Variants in UFC1 observed in about 807,000 individuals in gnomAD.
UFC1 encodes the protein ubiquitin-fold modifier-conjugating enzyme 1.
A neutral mutation model predicts 28.0 loss-of-function variants in UFC1; 22 were observed. The observed-to-expected ratio is 0.78, with a 90% confidence interval of 0.56 to 1.12. The LOEUF (loss-of-function observed/expected upper bound fraction) is 1.12, where lower values mean the gene tolerates loss of function less well. Among genes scored for constraint, UFC1 ranks in the 50% most tolerant of loss-of-function variants. UFC1 has a pLI of 0.00. For missense variants in UFC1, 189 were observed against 207.8 expected, an observed-to-expected ratio of 0.91 and a Z score of 0.56; for synonymous variants, 61 against 74.5, an observed-to-expected ratio of 0.82 and a Z score of 0.93.
At chr1:161,155,020 A>G (rs1478171793) in intron 1 of UFC1, among the ~76,000 whole-genome samples, 4 of 152,164 alleles carry the variant, frequency 2.6e-5, no homozygotes, top group East Asian at 1.9e-4. Flanking sequence ...ATTACTGTGC[A>G]TATAGAACCT....
chr1:161,154,673 C>CG (rs34249372), intron 1 of UFC1, among the ~76,000 whole-genome samples: 1 of 152,088 alleles, frequency 6.6e-6, no homozygotes, highest in African/African-American at 2.4e-5. Context: ...TCAGTAGAGA[C>CG]GGGGTTTCAC....
rs1557996228 is a variant in UFC1, at chr1:161,157,031, C to G, written c.191+14C>G. 3 of 1,613,546 alleles carry G rather than the reference C, an allele frequency of 1.9e-6. No homozygotes were observed. The highest frequency in any genetic ancestry group is 2.5e-6 in the Non-Finnish European group (3 of 1,179,546). On this transcript the variant is annotated intron_variant, in intron 2 of 5. Coordinates refer to ENST00000368003, the MANE Select transcript of UFC1 (RefSeq NM_016406.4). ...GGAAGGAACTCGGTAGGTAGACCCTCTTGGGAGGTGTGGGGTGGGAGTCTT... is the reference window on the plus strand; with the variant it reads ...GGAAGGAACTCGGTAGGTAGACCCTGTTGGGAGGTGTGGGGTGGGAGTCTT...
intron 1 of UFC1, among the ~76,000 whole-genome samples, chr1:161,155,123 G>C (rs920942373): frequency 2.0e-5 from 3 of 152,204 alleles, no homozygotes; most frequent in African/African-American, 7.2e-5. Flanking sequence ...GAGAGACTGA[G>C]ACAGATATGG....
chr1:161,154,898 A>C (rs1473333810), intron 1 of UFC1, among the ~76,000 whole-genome samples: 2 of 152,182 alleles, frequency 1.3e-5, no homozygotes, highest in South Asian at 2.1e-4. Context: ...CTTCTCAGTT[A>C]TCTCTACTGT....
intron 1 of UFC1, among the ~76,000 whole-genome samples, chr1:161,156,174 C>T (rs1174637599): frequency 7.2e-5 from 11 of 152,054 alleles, no homozygotes; most frequent in Non-Finnish European, 1.6e-4. Context: ...TGGGCAGACC[C>T]CCACTTACCA....
At chr1:161,154,710 C>G (rs1018976295) in intron 1 of UFC1, among the ~76,000 whole-genome samples, 3 of 152,138 alleles carry the variant, frequency 2.0e-5, no homozygotes, top group African/African-American at 7.2e-5. Context: ...GTCTCGATCC[C>G]CTGACCTCGT....
Position 161,158,146 on chromosome 1 carries a change from C to G in UFC1, c.358C>G (p.His120Asp). The change falls in exon 5 of 6, where the codon CAT (histidine) becomes GAT (aspartate). Residue 120 changes from histidine to aspartate, a missense_variant. Physicochemically the swap from His to Asp is moderately conservative, Grantham distance 81. Transcript: ENST00000368003. Reference sequence around the variant, plus strand: ...GGGTGGCAAAATATGCCTGACGGATCATTTCAAACCTTTGTGGGCCAGGAA... The same window carrying G: ...GGGTGGCAAAATATGCCTGACGGATGATTTCAAACCTTTGTGGGCCAGGAA... ...YRGGKICLTD[H>D]FKPLWARNVP... The G allele has an allele frequency of 6.2e-7, 1 of 1,614,154 alleles. No homozygotes were observed. The highest frequency in any genetic ancestry group is 1.3e-5 in the African/African-American group (1 of 75,036).
Position 161,157,246 on chromosome 1 carries a change from T to C in UFC1, c.192-8T>C, listed in dbSNP as rs750223673. 1.2e-6 allele frequency: 2 copies of C among 1,614,146 alleles called. No individual in the cohort carries two copies. Among genetic ancestry groups the C allele is most frequent in the East Asian group, 4.5e-5 (2 of 44,904 alleles). On this transcript the variant is annotated splice_region_variant and splice_polypyrimidine_tract_variant and intron_variant, in intron 2 of 5. Transcript: ENST00000368003. ...GCAAATTGGACTGAGGTTTGGTCTTTGTTACAGGTGGTTTGGAAAATGCTG... is the reference window on the plus strand; with the variant it reads ...GCAAATTGGACTGAGGTTTGGTCTTCGTTACAGGTGGTTTGGAAAATGCTG...
intron 4 of UFC1, 162 bp from the exon 5 acceptor site, chr1:161,157,959 G>A: frequency 1.5e-6 from 1 of 661,564 alleles, no homozygotes; most frequent in Admixed American, 2.9e-5. Context: ...GGGTCTGCTG[G>A]CCTAGTGGGG....
rs918651475 is a variant in UFC1, at chr1:161,156,894, G to A, written c.124-56G>A. On this transcript the variant is annotated intron_variant, in intron 1 of 5. Coordinates refer to ENST00000368003, the MANE Select transcript of UFC1 (RefSeq NM_016406.4). ...ACCACATACTTTTCTTTTGAGGAGA[G>A]GGGGACTGCCCTTGGCCCCAACTAC... 14 of 1,439,174 alleles carry A rather than the reference G, an allele frequency of 9.7e-6. No individual in the cohort carries two copies. The African/African-American group carries it at 1.7e-4, about 18-fold the overall frequency. The allele number at this position is 1,439,174 out of a possible 1,614,324, so 89.2% of individuals were successfully genotyped here.
intron 3 of UFC1, 115 bp from the exon 4 acceptor site, chr1:161,157,502 G>A (rs1001306250): frequency 8.0e-7 from 1 of 1,256,892 alleles, no homozygotes; most frequent in Non-Finnish European, 1.1e-6. Flanking sequence ...GTATGGATGT[G>A]CTCCTTGGGG....
intron 1 of UFC1, among the ~76,000 whole-genome samples, chr1:161,156,055 T>C (rs1657495252): frequency 6.6e-6 from 1 of 152,060 alleles, no homozygotes; most frequent in African/African-American, 2.4e-5. Context: ...ATTAAATGAG[T>C]TGTGGGCTGA....
Position 161,158,485 on chromosome 1 carries a change from A to G in UFC1, c.497A>G (p.Asn166Ser), listed in dbSNP as rs370437782. Residue 166 changes from asparagine to serine, a missense_variant, in exon 6 of 6, where the codon AAC (asparagine) becomes AGC (serine). Coordinates refer to ENST00000368003, the MANE Select transcript of UFC1 (RefSeq NM_016406.4). ...GTCATCCAACACAAAGAGAAATGCAACCAATGAAGAATCAAGCCACTGAGG... is the reference window on the plus strand; with the variant it reads ...GTCATCCAACACAAAGAGAAATGCAGCCAATGAAGAATCAAGCCACTGAGG... ...KGVIQHKEKCNQ is the reference protein window; with the variant it reads ...KGVIQHKEKCSQ 16 of 1,614,056 alleles carry G rather than the reference A, an allele frequency of 9.9e-6. No individual in the cohort carries two copies. In the Admixed American group the frequency reaches 1.5e-4, roughly 15 times the overall value.
chr1:161,158,381 G>C, intron 5 of UFC1, 31 bp from the exon 6 acceptor site: 1 of 1,613,562 alleles, frequency 6.2e-7, no homozygotes, highest in Non-Finnish European at 8.5e-7. Flanking sequence ...TTGACTGGTA[G>C]TAATCTCACA....
At chr1:161,157,361 A>G (rs1257828309) in intron 3 of UFC1, 44 bp downstream of exon 3, 2 of 1,606,884 alleles carry the variant, frequency 1.2e-6, no homozygotes. Context: ...GTAGAAGGGG[A>G]GGGATTAGAT....
Position 161,156,936 on chromosome 1 carries a change from T to G in UFC1, c.124-14T>G, listed in dbSNP as rs1223187030. ...CCCAACTACTCTCTCAAAGACCTCATTCTCTGCTTTCAGTATGTGGAGAAC... is the reference window on the plus strand; with the variant it reads ...CCCAACTACTCTCTCAAAGACCTCAGTCTCTGCTTTCAGTATGTGGAGAAC... On this transcript the variant is annotated splice_polypyrimidine_tract_variant and intron_variant, in intron 1 of 5. Coordinates refer to ENST00000368003, the MANE Select transcript of UFC1 (RefSeq NM_016406.4). 10 of 1,613,718 alleles carry G rather than the reference T, an allele frequency of 6.2e-6. No homozygotes were observed. Among genetic ancestry groups the G allele is most frequent in the Non-Finnish European group, 8.5e-6 (10 of 1,179,742 alleles).
chr1:161,157,396 T>A, intron 3 of UFC1, 79 bp downstream of exon 3: 1 of 1,568,108 alleles, frequency 6.4e-7, no homozygotes, highest in South Asian at 1.1e-5. Flanking sequence ...TATCCTTTCT[T>A]GAAGGGACCA....
rs776546585 is a variant in UFC1 at position 161,157,342 on chromosome 1, T to C, written c.255+25T>C. ...CGTGAGTGTGATAGAGTGGGAAATATGAAGGTTAGTAGAAGGGGAGGGATT... is the reference window on the plus strand; with the variant it reads ...CGTGAGTGTGATAGAGTGGGAAATACGAAGGTTAGTAGAAGGGGAGGGATT... On this transcript the variant is annotated intron_variant, in intron 3 of 5. Transcript: ENST00000368003. 24 of 1,613,464 alleles carry C rather than the reference T, an allele frequency of 1.5e-5. No homozygotes were observed. In the Middle Eastern group the frequency reaches 1.2e-3, roughly 77 times the overall value.
chr1:161,154,585 A>G lies in UFC1; in HGVS notation c.123+465A>G, dbSNP rs146952701. 5.2e-3 allele frequency among the ~76,000 whole-genome samples: 798 copies of G among 152,236 alleles called. 8 individuals carry two copies. Among genetic ancestry groups the G allele is most frequent in the African/African-American group, 0.018 (768 of 41,530 alleles). On this transcript the variant is annotated intron_variant, in intron 1 of 5. Coordinates refer to ENST00000368003, the MANE Select transcript of UFC1 (RefSeq NM_016406.4). ...CTGCAACCTCCGACTCCCGGGTTCAAGCGAGTCTCCTGCCTCAGCCTCCTG... is the reference window on the plus strand; with the variant it reads ...CTGCAACCTCCGACTCCCGGGTTCAGGCGAGTCTCCTGCCTCAGCCTCCTG...
Sources: allele counts gnomAD v4.1 joint callset (sites outside exome capture counted in the v4.1 genomes callset), GRCh38; gene constraint gnomAD v4.1.1; transcripts MANE v1.5; gene names NCBI Gene and HGNC (gene_info 2026-07-23, HGNC 2026-07-21).